OR2A2: variants seen among roughly 807,000 people sequenced by gnomAD.
OR2A2 encodes olfactory receptor 2A2.
For missense variants in OR2A2, 380 were observed against 384.8 expected (o/e 0.99, Z 0.10); for synonymous variants, 163 against 154.8 (o/e 1.05, Z -0.40).
Position 144,109,790 on chromosome 7 carries a change from A to G in OR2A2, c.208A>G (p.Met70Val). The change falls in exon 1 of 1, where the codon ATG becomes GTG. Residue 70 changes from methionine to valine, a missense_variant. Transcript: ENST00000408979. ...CCTCTCACACCTGGCCATCATTGAC[A>G]TGTCCTATGCTTCCAACAATGTTCC... ...FFLSHLAIID[M>V]SYASNNVPKM... 2 of 1,614,132 alleles carry G rather than the reference A, an allele frequency of 1.2e-6. No individual in the cohort carries two copies. The highest frequency in any genetic ancestry group is 1.7e-6 in the Non-Finnish European group (2 of 1,179,984).
In OR2A2 at chr7:144,109,855, C is replaced by T. The variant is rs2051354277; in HGVS notation, c.273C>T (p.Ile91=). 6.2e-7 allele frequency: 1 copy of T among 1,614,010 alleles called. No individual in the cohort carries two copies. Among genetic ancestry groups the T allele is most frequent in the East Asian group, 2.2e-5 (1 of 44,894 alleles). Residue 91 remains isoleucine (I), a synonymous_variant, in exon 1 of 1, where the codon ATC becomes ATT. Coordinates refer to ENST00000408979, the MANE Select transcript of OR2A2 (RefSeq NM_001005480.2). Reference sequence around the variant, plus strand: ...ACCTAATGAACCAGAAAAGAACCATCTCCTTTGTTCCATGCATAATGCAGA... The same window carrying T: ...ACCTAATGAACCAGAAAAGAACCATTTCCTTTGTTCCATGCATAATGCAGA... ...LANLMNQKRT[I]SFVPCIMQTF...
Position 144,110,181 on chromosome 7 carries a change from C to G in OR2A2, c.599C>G (p.Ala200Gly). The G allele has an allele frequency of 6.2e-7, 1 of 1,613,778 alleles. No homozygotes were observed. The highest frequency in any genetic ancestry group is 8.5e-7 in the Non-Finnish European group (1 of 1,179,670). ...TGGGTTAACCAAGTGGTCATATTTGCTACCTGTGTGTTTGTCTTAGTCGGG... is the reference window on the plus strand; with the variant it reads ...TGGGTTAACCAAGTGGTCATATTTGGTACCTGTGTGTTTGTCTTAGTCGGG... Reference protein sequence around the residue: ...DTWVNQVVIFATCVFVLVGPL... With the variant: ...DTWVNQVVIFGTCVFVLVGPL... The change falls in exon 1 of 1, where the codon GCT becomes GGT. Residue 200 changes from alanine (A) to glycine (G), a missense_variant. By Grantham distance (60) the Ala-to-Gly change is moderately conservative. Transcript: ENST00000408979.
At position 144,110,080 on chromosome 7, in the gene OR2A2, C is replaced by T. The variant is rs768189074; in HGVS notation, c.498C>T (p.Pro166=). 1.1e-5 allele frequency: 18 copies of T among 1,613,916 alleles called. No homozygotes were observed. The African/African-American group carries it at 2.3e-4, about 20-fold the overall frequency. Residue 166 remains proline, a synonymous_variant, in exon 1 of 1, where the codon CCC becomes CCT. Transcript: ENST00000408979. ...LVHEILLLRL[P]FCGPRDVNHL... ...ATGAAATTCTCCTTCTAAGGTTGCC[C>T]TTCTGTGGGCCCCGGGATGTGAACC...
chr7:144,109,912 G>A lies in OR2A2; in HGVS notation c.330G>A (p.Glu110=). The A allele has an allele frequency of 6.2e-7, 1 of 1,614,092 alleles. No homozygotes were observed. The highest frequency in any genetic ancestry group is 8.5e-7 in the Non-Finnish European group (1 of 1,179,972). The change falls in exon 1 of 1, where the codon GAG becomes GAA. Residue 110 remains glutamate (E), a synonymous_variant. Coordinates refer to ENST00000408979, the MANE Select transcript of OR2A2 (RefSeq NM_001005480.2). ...TGTATTTGGCTTTTGCTGTTACAGA[G>A]TGCCTGATTTTGGTGGTGATGTCCT... ...TFLYLAFAVT[E]CLILVVMSYD...
Position 144,109,945 on chromosome 7 carries a change from G to T in OR2A2, c.363G>T (p.Arg121Ser), listed in dbSNP as rs959961776. ...TTTTGGTGGTGATGTCCTATGATAG[G>T]TATGTGGCCATCTGCCACCCTTTCC... ...CLILVVMSYD[R>S]YVAICHPFQY... Residue 121 changes from arginine (R) to serine (S), a missense_variant, in exon 1 of 1, where the codon AGG becomes AGT. Coordinates refer to ENST00000408979, the MANE Select transcript of OR2A2 (RefSeq NM_001005480.2). The T allele has an allele frequency of 6.2e-7, 1 of 1,613,638 alleles. No homozygotes were observed. The highest frequency in any genetic ancestry group is 1.3e-5 in the African/African-American group (1 of 74,912).
rs1234597643 is a variant in OR2A2 at position 144,110,426 on chromosome 7, C to A, written c.844C>A (p.Pro282Thr). The A allele has an allele frequency of 3.7e-6, 6 of 1,613,890 alleles. No individual in the cohort carries two copies. Among genetic ancestry groups the A allele is most frequent in the Non-Finnish European group, 4.2e-6 (5 of 1,179,810 alleles). ...GTCCCTGTTTCACAGTGTCTTTAAT[C>A]CAATGCTGAACCCCCTGATCTACAG... ...MLSLFHSVFN[P>T]MLNPLIYSLR... Residue 282 changes from proline (P) to threonine (T), a missense_variant, in exon 1 of 1, where the codon CCA becomes ACA. Pro to Thr is a conservative substitution (Grantham distance 38). Coordinates refer to ENST00000408979, the MANE Select transcript of OR2A2 (RefSeq NM_001005480.2).
rs1237659594 is a variant in OR2A2 at position 144,109,690 on chromosome 7, C to G, written c.108C>G (p.Leu36=). Residue 36 remains leucine, a synonymous_variant, in exon 1 of 1, where the codon CTC becomes CTG. Transcript: ENST00000408979. ...LCGLFSVFYT[L]TLLGNGVIFG... The stretch of plus-strand genomic sequence containing the variant: ...GACTCTTCTCTGTCTTCTATACACT[C>G]ACCCTGCTGGGGAATGGGGTCATCT... 6.2e-7 allele frequency: 1 copy of G among 1,613,992 alleles called. No individual in the cohort carries two copies. The highest frequency in any genetic ancestry group is 1.3e-5 in the African/African-American group (1 of 75,026).
At position 144,109,864 on chromosome 7, in the gene OR2A2, T is replaced by C; in HGVS notation, c.282T>C (p.Val94=). ...ACCAGAAAAGAACCATCTCCTTTGT[T>C]CCATGCATAATGCAGACTTTTTTGT... ...LMNQKRTISF[V]PCIMQTFLYL... is the part of the protein sequence containing the mutation. Residue 94 remains valine, a synonymous_variant, in exon 1 of 1, where the codon GTT becomes GTC. Coordinates refer to ENST00000408979, the MANE Select transcript of OR2A2 (RefSeq NM_001005480.2). The C allele has an allele frequency of 6.2e-7, 1 of 1,614,148 alleles. No homozygotes were observed. The highest frequency in any genetic ancestry group is 8.5e-7 in the Non-Finnish European group (1 of 1,179,996).
In OR2A2 at chr7:144,109,876, G is replaced by T; in HGVS notation, c.294G>T (p.Met98Ile). 1 of 1,614,094 alleles carries T rather than the reference G, an allele frequency of 6.2e-7. No individual in the cohort carries two copies. The highest frequency in any genetic ancestry group is 8.5e-7 in the Non-Finnish European group (1 of 1,179,976). Residue 98 changes from methionine (M) to isoleucine (I), a missense_variant, in exon 1 of 1, where the codon ATG (methionine) becomes ATT (isoleucine). Coordinates refer to ENST00000408979, the MANE Select transcript of OR2A2 (RefSeq NM_001005480.2). The stretch of plus-strand genomic sequence containing the variant: ...CCATCTCCTTTGTTCCATGCATAAT[G>T]CAGACTTTTTTGTATTTGGCTTTTG... Reference protein sequence around the residue: ...KRTISFVPCIMQTFLYLAFAV... With the variant: ...KRTISFVPCIIQTFLYLAFAV...
In OR2A2 at chr7:144,109,725, T is replaced by C. The variant is rs2051352405; in HGVS notation, c.143T>C (p.Ile48Thr). The C allele has an allele frequency of 6.2e-7, 1 of 1,614,118 alleles. No individual in the cohort carries two copies. Among genetic ancestry groups the C allele is most frequent in the South Asian group, 1.1e-5 (1 of 91,080 alleles). Residue 48 changes from isoleucine to threonine, a missense_variant, in exon 1 of 1, where the codon ATC becomes ACC. Ile to Thr is a moderately conservative substitution (Grantham distance 89). Coordinates refer to ENST00000408979, the MANE Select transcript of OR2A2 (RefSeq NM_001005480.2). ...LLGNGVIFGI[I>T]CLDSKLHTPM... ...GGGAATGGGGTCATCTTTGGGATTA[T>C]CTGCCTGGACTCTAAGCTTCACACA... is the stretch of plus-strand genomic sequence containing the variant.
Position 144,110,063 on chromosome 7 carries a change from C to T in OR2A2, c.481C>T (p.Leu161Phe), listed in dbSNP as rs776093727. 1.5e-5 allele frequency: 24 copies of T among 1,613,960 alleles called. No homozygotes were observed. The highest frequency in any genetic ancestry group is 2.0e-5 in the Non-Finnish European group (24 of 1,179,868). The change falls in exon 1 of 1, where the codon CTC (leucine) becomes TTC (phenylalanine). Residue 161 changes from leucine to phenylalanine, a missense_variant. By Grantham distance (22) the Leu-to-Phe change is conservative (BLOSUM62 0). Coordinates refer to ENST00000408979, the MANE Select transcript of OR2A2 (RefSeq NM_001005480.2). ...GFALSLVHEI[L>F]LLRLPFCGPR... is the part of the protein sequence containing the mutation. ...TGCCCTGTCCCTGGTACATGAAATT[C>T]TCCTTCTAAGGTTGCCCTTCTGTGG...
rs537992045 is a variant in OR2A2, at chr7:144,110,246, G to T, written c.664G>T (p.Gly222Trp). 7 of 1,613,902 alleles carry T rather than the reference G, an allele frequency of 4.3e-6. No homozygotes were observed. The East Asian group carries it at 6.7e-5, about 15-fold the overall frequency. ...LILVSYMHIL[G>W]AILKIQTKEG... ...TCTGGTCTCCTACATGCACATCCTC[G>T]GGGCCATCCTGAAGATCCAGACAAA... Residue 222 changes from glycine (G) to tryptophan (W), a missense_variant, in exon 1 of 1, where the codon GGG becomes TGG. Transcript: ENST00000408979.
Position 144,110,154 on chromosome 7 carries a change from C to A in OR2A2, c.572C>A (p.Thr191Asn). 6.2e-7 allele frequency: 1 copy of A among 1,613,964 alleles called. No homozygotes were observed. The highest frequency in any genetic ancestry group is 8.5e-7 in the Non-Finnish European group (1 of 1,179,846). Residue 191 changes from threonine to asparagine, a missense_variant, in exon 1 of 1, where the codon ACC becomes AAC. Coordinates refer to ENST00000408979, the MANE Select transcript of OR2A2 (RefSeq NM_001005480.2). The part of the protein sequence containing the change: ...LSVLKLACAD[T>N]WVNQVVIFAT... ...GTCCTCAAGCTGGCCTGTGCTGACACCTGGGTTAACCAAGTGGTCATATTT... is the reference window on the plus strand; with the variant it reads ...GTCCTCAAGCTGGCCTGTGCTGACAACTGGGTTAACCAAGTGGTCATATTT...
At position 144,109,608 on chromosome 7, in the gene OR2A2, C is replaced by A. The variant is rs1266259811; in HGVS notation, c.26C>A (p.Thr9Lys). 2.5e-6 allele frequency: 4 copies of A among 1,612,640 alleles called. No homozygotes were observed. Among genetic ancestry groups the A allele is most frequent in the Non-Finnish European group, 3.4e-6 (4 of 1,179,098 alleles). The change falls in exon 1 of 1, where the codon ACA (threonine) becomes AAA (lysine). Residue 9 changes from threonine to lysine, a missense_variant. Thr to Lys is a moderately conservative substitution (Grantham distance 78). Transcript: ENST00000408979. MEGNQTWITDITLLGFQVG... is the reference protein window; with the variant it reads MEGNQTWIKDITLLGFQVG... ...ATGGAAGGCAACCAGACATGGATCACAGACATCACCCTGCTGGGATTCCAG... is the reference window on the plus strand; with the variant it reads ...ATGGAAGGCAACCAGACATGGATCAAAGACATCACCCTGCTGGGATTCCAG...
Position 144,110,421 on chromosome 7 carries a change from T to C in OR2A2, c.839T>C (p.Phe280Ser), listed in dbSNP as rs2051363468. 1 of 1,613,864 alleles carries C rather than the reference T, an allele frequency of 6.2e-7. No homozygotes were observed. Among genetic ancestry groups the C allele is most frequent in the African/African-American group, 1.3e-5 (1 of 74,916 alleles). The change falls in exon 1 of 1, where the codon TTT (phenylalanine) becomes TCT (serine). Residue 280 changes from phenylalanine (F) to serine (S), a missense_variant. Phe to Ser is a radical substitution (Grantham distance 155). Coordinates refer to ENST00000408979, the MANE Select transcript of OR2A2 (RefSeq NM_001005480.2). ...EKMLSLFHSV[F>S]NPMLNPLIYS... ...ATGCTGTCCCTGTTTCACAGTGTCT[T>C]TAATCCAATGCTGAACCCCCTGATC... is the stretch of plus-strand genomic sequence containing the variant.
Position 144,109,626 on chromosome 7 carries a change from G to A in OR2A2, c.44G>A (p.Gly15Glu). Residue 15 changes from glycine (G) to glutamate (E), a missense_variant, in exon 1 of 1, where the codon GGA (glycine) becomes GAA (glutamate). Physicochemically the swap from Gly to Glu is moderately conservative, Grantham distance 98. Coordinates refer to ENST00000408979, the MANE Select transcript of OR2A2 (RefSeq NM_001005480.2). ...QTWITDITLL[G>E]FQVGPALAIL... ...TGGATCACAGACATCACCCTGCTGG[G>A]ATTCCAGGTTGGTCCAGCACTGGCG... The A allele has an allele frequency of 6.2e-7, 1 of 1,613,684 alleles. No homozygotes were observed.
rs777767252 is a variant in OR2A2, at chr7:144,110,036, T to C, written c.454T>C (p.Phe152Leu). The C allele has an allele frequency of 1.2e-6, 2 of 1,613,948 alleles. No homozygotes were observed. The highest frequency in any genetic ancestry group is 1.7e-6 in the Non-Finnish European group (2 of 1,179,912). The part of the protein sequence containing the change: ...ILVLTSWSCG[F>L]ALSLVHEILL... Reference sequence around the variant, plus strand: ...GGTTCTCACGTCCTGGTCATGTGGGTTTGCCCTGTCCCTGGTACATGAAAT... The same window carrying C: ...GGTTCTCACGTCCTGGTCATGTGGGCTTGCCCTGTCCCTGGTACATGAAAT... The change falls in exon 1 of 1, where the codon TTT (phenylalanine) becomes CTT (leucine). Residue 152 changes from phenylalanine (F) to leucine (L), a missense_variant. Coordinates refer to ENST00000408979, the MANE Select transcript of OR2A2 (RefSeq NM_001005480.2).
At position 144,110,402 on chromosome 7, in the gene OR2A2, T is replaced by C; in HGVS notation, c.820T>C (p.Ser274Pro). The change falls in exon 1 of 1, where the codon TCC (serine) becomes CCC (proline). Residue 274 changes from serine (S) to proline (P), a missense_variant. Coordinates refer to ENST00000408979, the MANE Select transcript of OR2A2 (RefSeq NM_001005480.2). ...ACGAGAGGAGCAGGAGAAAATGCTGTCCCTGTTTCACAGTGTCTTTAATCC... is the reference window on the plus strand; with the variant it reads ...ACGAGAGGAGCAGGAGAAAATGCTGCCCCTGTTTCACAGTGTCTTTAATCC... ...NQREEQEKMLSLFHSVFNPML... is the reference protein window; with the variant it reads ...NQREEQEKMLPLFHSVFNPML... The C allele has an allele frequency of 6.2e-7, 1 of 1,613,996 alleles. No homozygotes were observed. The highest frequency in any genetic ancestry group is 1.1e-5 in the South Asian group (1 of 91,078).
Position 144,110,337 on chromosome 7 carries a change from G to C in OR2A2, c.755G>C (p.Gly252Ala), listed in dbSNP as rs373674402. Residue 252 changes from glycine (G) to alanine (A), a missense_variant, in exon 1 of 1, where the codon GGC (glycine) becomes GCC (alanine). By Grantham distance (60) the Gly-to-Ala change is moderately conservative. Transcript: ENST00000408979. ...CTGTGTGTGGTTGGACTATTCTTTG[G>C]CATAGCCATGGTGGTTTACATGGTC... ...SHLCVVGLFF[G>A]IAMVVYMVPD... The C allele has an allele frequency of 1.2e-6, 2 of 1,613,928 alleles. No individual in the cohort carries two copies. Among genetic ancestry groups the C allele is most frequent in the South Asian group, 1.1e-5 (1 of 91,080 alleles).
Sources: gnomAD v4.1 joint callset for allele counts on GRCh38, gnomAD v4.1.1 for gene constraint, MANE v1.5 for transcripts, NCBI Gene and HGNC (gene_info 2026-07-23, HGNC 2026-07-21) for gene names.